Variants in LIM2 observed in about 807,000 individuals in gnomAD.
The protein encoded by LIM2 is lens fiber membrane intrinsic protein.
LIM2 carries 14 observed loss-of-function variants against 19.0 expected under a neutral mutation model. The ratio of observed to expected loss-of-function variants is 0.74; its 90% confidence interval spans 0.49 to 1.15. LIM2 has a LOEUF of 1.15. Among genes scored for constraint, LIM2 ranks in the 50% most tolerant of loss-of-function variants. The probability of loss-of-function intolerance (pLI) is 0.00; values close to 1 mark genes in which losing one functional copy is unlikely to be tolerated. For missense variants in LIM2, 230 were observed against 243.5 expected (o/e 0.94, Z 0.37); for synonymous variants, 78 against 89.6 (o/e 0.87, Z 0.73).
chr19:51,384,212 C>T (rs1343032369), intron 2 of LIM2, among the ~76,000 whole-genome samples: 2 of 152,136 alleles, frequency 1.3e-5, no homozygotes, highest in Non-Finnish European at 1.5e-5. Context: ...AGGTGGATCA[C>T]CTGAGGTCAG....
At chr19:51,384,047 C>T (rs549403669) in intron 2 of LIM2, among the ~76,000 whole-genome samples, 50 of 152,178 alleles carry the variant, frequency 3.3e-4, no homozygotes, top group Non-Finnish European at 6.5e-4. Context: ...GTAACTAGTG[C>T]CTTAGAATGG....
rs772193543 is a variant in LIM2 at position 51,382,581 on chromosome 19, C to T, written c.176-14G>A. The T allele has an allele frequency of 1.8e-5, 29 of 1,612,900 alleles. 1 individual carries two copies. In the South Asian group the frequency reaches 2.9e-4, roughly 16 times the overall value. ...CATTCCAGTATGCTGTGGGAGCACC[C>T]CATGGTCATTCCCACACCTCCCCTG... On this transcript the variant is annotated splice_polypyrimidine_tract_variant and intron_variant, in intron 2 of 4. Coordinates refer to ENST00000596399, the MANE Select transcript of LIM2 (RefSeq NM_001161748.2).
intron 2 of LIM2, among the ~76,000 whole-genome samples, chr19:51,386,938 A>G (rs1480043224): frequency 2.0e-5 from 3 of 152,200 alleles, no homozygotes; most frequent in African/African-American, 7.2e-5. Context: ...TTCAGTATCC[A>G]CCAGTACCTA....
chr19:51,386,423 C>T (rs903399090), intron 2 of LIM2, among the ~76,000 whole-genome samples: 2 of 149,268 alleles, frequency 1.3e-5, no homozygotes, highest in Non-Finnish European at 3.0e-5. Flanking sequence ...CACGCCTGGC[C>T]AAATTTATTA....
At chr19:51,387,767 G>T (rs2123677285) in intron 1 of LIM2, among the ~76,000 whole-genome samples, 152 bp downstream of exon 1, 1 of 152,104 alleles carries the variant, frequency 6.6e-6, no homozygotes, top group Admixed American at 6.5e-5. Flanking sequence ...AGGTGAGAAG[G>T]GGCCCAGGAG....
intron 3 of LIM2, among the ~76,000 whole-genome samples, chr19:51,380,974 T>C (rs1011232168): frequency 2.0e-5 from 3 of 151,994 alleles, no homozygotes; most frequent in Admixed American, 6.6e-5. Context: ...CCTGAGTTTA[T>C]GGTAATGAGA....
At chr19:51,387,635 T>C (rs1427409423) in intron 1 of LIM2, among the ~76,000 whole-genome samples, 186 bp from the exon 2 acceptor site, 4 of 151,124 alleles carry the variant, frequency 2.6e-5, no homozygotes, top group Non-Finnish European at 5.9e-5. Context: ...GGGAGGAGGA[T>C]GGTAGGGATC....
intron 3 of LIM2, among the ~76,000 whole-genome samples, chr19:51,381,292 C>T (rs1335989758): frequency 6.6e-6 from 1 of 152,068 alleles, no homozygotes; most frequent in African/African-American, 2.4e-5. Flanking sequence ...CACTACACTC[C>T]AGCCTGGGTG....
chr19:51,387,504 A>C, intron 1 of LIM2, 55 bp from the exon 2 acceptor site: 1 of 1,609,032 alleles, frequency 6.2e-7, no homozygotes, highest in Non-Finnish European at 8.5e-7. Context: ...ACTTGAAGGG[A>C]GGAACTGGGG....
At chr19:51,387,244 C>A (rs748231869) in intron 2 of LIM2, 25 bp downstream of exon 2, 2 of 1,614,230 alleles carry the variant, frequency 1.2e-6, no homozygotes, top group South Asian at 2.2e-5. Context: ...CCAGGCGCGG[C>A]CTGGACCCTG....
chr19:51,386,804 ATATAT>A (rs1435865760), intron 2 of LIM2, among the ~76,000 whole-genome samples: 2 of 151,616 alleles, frequency 1.3e-5, no homozygotes, highest in South Asian at 2.1e-4. Flanking sequence ...CATTAACTTA[ATATAT>A]TATAGATGCT....
chr19:51,382,701 C>G (rs1464247710), intron 2 of LIM2, 134 bp from the exon 3 acceptor site: 2 of 1,216,136 alleles, frequency 1.6e-6, no homozygotes, highest in African/African-American at 3.0e-5. Flanking sequence ...TTGCAAATGC[C>G]CTCTTCTTCA....
chr19:51,387,817 CTAGGGGG>C (rs1390900657), intron 1 of LIM2, 95 bp downstream of exon 1: 4 of 297,186 alleles, frequency 1.3e-5, no homozygotes, highest in Non-Finnish European at 2.6e-5. Flanking sequence ...GGGCTAGGGG[CTAGGGGG>C]TAGGACACCA....
At chr19:51,387,222 C>G in intron 2 of LIM2, 47 bp downstream of exon 2, 1 of 1,614,236 alleles carries the variant, frequency 6.2e-7, no homozygotes, top group Non-Finnish European at 8.5e-7. Context: ...CGAGGTCCGC[C>G]CTGCTCTTTC....
intron 2 of LIM2, among the ~76,000 whole-genome samples, chr19:51,385,631 G>A (rs1363778095): frequency 6.6e-6 from 1 of 152,202 alleles, no homozygotes; most frequent in African/African-American, 2.4e-5. Context: ...GGTGGCTCAG[G>A]GCTGTCCCTC....
At position 51,387,249 on chromosome 19, in the gene LIM2, AC is replaced by A; in HGVS notation, c.175+19del. The A allele has an allele frequency of 6.2e-7, 1 of 1,614,116 alleles. No individual in the cohort carries two copies. The highest frequency in any genetic ancestry group is 1.1e-5 in the South Asian group (1 of 91,088). Reference sequence around the variant, plus strand: ...TGCTCTTTCCCCAGGCGCGGCCTGGACCCTGGCCGGGGGGCTCACCGATGCT... The same window carrying A: ...TGCTCTTTCCCCAGGCGCGGCCTGGACCTGGCCGGGGGGCTCACCGATGCT... On this transcript the variant is annotated intron_variant, in intron 2 of 4. Coordinates refer to ENST00000596399, the MANE Select transcript of LIM2 (RefSeq NM_001161748.2).
chr19:51,382,713 C>T (rs1986930912), intron 2 of LIM2, 146 bp from the exon 3 acceptor site: 2 of 1,084,486 alleles, frequency 1.8e-6, no homozygotes, highest in Admixed American at 2.0e-5. Context: ...TCTTCTTCAC[C>T]TGGCAAACTC....
chr19:51,381,709 T>A (rs954145155), intron 3 of LIM2, among the ~76,000 whole-genome samples: 1 of 152,056 alleles, frequency 6.6e-6, no homozygotes, highest in South Asian at 2.1e-4. Context: ...ATTCCAGCAA[T>A]TTTTGTTGTT....
At chr19:51,387,047 A>C (rs1987075758) in intron 2 of LIM2, 1 of 814,388 alleles carries the variant, frequency 1.2e-6, no homozygotes, top group Middle Eastern at 2.2e-4. Flanking sequence ...AGGAAATGCC[A>C]CCTCTCCCAA....
Sources: gnomAD v4.1 joint callset for allele counts (sites outside exome capture counted in the v4.1 genomes callset) on GRCh38, gnomAD v4.1.1 for gene constraint, MANE v1.5 for transcripts, NCBI Gene and HGNC (gene_info 2026-07-23, HGNC 2026-07-21) for gene names.